Variants in TMEM9B observed in about 807,000 individuals in gnomAD.
TMEM9B encodes transmembrane protein 9B.
Under a neutral mutation model 23.5 loss-of-function variants are expected in TMEM9B, and 8 were observed. The observed-to-expected ratio is 0.34, with a 90% CI of 0.20 to 0.61. The LOEUF (loss-of-function observed/expected upper bound fraction) is 0.61. Ranked by LOEUF, TMEM9B falls within the 20% of genes least tolerant of loss-of-function variation. TMEM9B has a pLI of 0.78. For missense variants in TMEM9B, 197 were observed against 252.3 expected, an observed-to-expected ratio of 0.78 and a Z score of 1.49; for synonymous variants, 106 against 96.3, an observed-to-expected ratio of 1.10 and a Z score of -0.59.
At chr11:8,950,474 A>C (rs1418441824) in intron 4 of TMEM9B, among the ~76,000 whole-genome samples, 1 of 152,192 alleles carries the variant, frequency 6.6e-6, no homozygotes, top group Non-Finnish European at 1.5e-5. Context: ...TCAGTTGCCT[A>C]GTGCTGTTAT....
At chr11:8,958,083 T>C (rs1158519564) in intron 2 of TMEM9B, among the ~76,000 whole-genome samples, 2 of 139,356 alleles carry the variant, frequency 1.4e-5, no homozygotes, top group East Asian at 4.4e-4. Context: ...CGCTTGAACC[T>C]GGGAGGTGGA....
chr11:8,963,798 G>A (rs1440896566), intron 1 of TMEM9B, among the ~76,000 whole-genome samples: 1 of 152,128 alleles, frequency 6.6e-6, no homozygotes, highest in Non-Finnish European at 1.5e-5. Flanking sequence ...TTCTGGCTTG[G>A]GGCATGCGGG....
In TMEM9B at chr11:8,954,086, T is replaced by C. The variant is rs147738982; in HGVS notation, c.307-749A>G. ...TCAGCAATAAAAAGAAACGAAGTACTGATACATGCTACAACTTGCATAAAC... is the reference window on the plus strand; with the variant it reads ...TCAGCAATAAAAAGAAACGAAGTACCGATACATGCTACAACTTGCATAAAC... On this transcript the variant is annotated intron_variant, in intron 3 of 4. Coordinates refer to ENST00000534025, the MANE Select transcript of TMEM9B (RefSeq NM_020644.3). 2.8e-3 allele frequency among the ~76,000 whole-genome samples: 423 copies of C among 152,296 alleles called. 5 individuals are homozygous for C. The highest frequency in any genetic ancestry group is 9.9e-3 in the African/African-American group (413 of 41,528).
At position 8,964,314 on chromosome 11, in the gene TMEM9B, C is replaced by A; in HGVS notation, c.-1G>T. ...GAAGGCCTCCCCACAGGGTCGCCAT[C>A]GCTGGGGGCCCAGCGGTCCCACAGC... On this transcript the variant is annotated 5_prime_UTR_variant, in exon 1 of 5. Coordinates refer to ENST00000534025, the MANE Select transcript of TMEM9B (RefSeq NM_020644.3). 2 of 1,567,604 alleles carry A rather than the reference C, an allele frequency of 1.3e-6. No individual in the cohort carries two copies. Among genetic ancestry groups the A allele is most frequent in the Non-Finnish European group, 1.7e-6 (2 of 1,157,438 alleles).
Position 8,953,717 on chromosome 11 carries a change from T to A in TMEM9B, c.307-380A>T, listed in dbSNP as rs182128203. ...GATTTTTTCTTGTGACCTTAATTCA[T>A]GTACTGAGAAAAAGTACAGTGTGAC... On this transcript the variant is annotated intron_variant, in intron 3 of 4. Coordinates refer to ENST00000534025, the MANE Select transcript of TMEM9B (RefSeq NM_020644.3). Among the ~76,000 whole-genome samples, 29 of 152,324 alleles carry A rather than the reference T, an allele frequency of 1.9e-4. No homozygotes were observed. The East Asian group carries it at 5.6e-3, about 29-fold the overall frequency.
intron 4 of TMEM9B, among the ~76,000 whole-genome samples, chr11:8,949,396 T>C (rs1853835594): frequency 6.6e-6 from 1 of 152,268 alleles, no homozygotes; most frequent in Non-Finnish European, 1.5e-5. Flanking sequence ...TAGTAATTTA[T>C]TGCTTTTGTT....
At chr11:8,964,146 G>C in intron 1 of TMEM9B, 63 bp downstream of exon 1, 3 of 1,510,976 alleles carry the variant, frequency 2.0e-6, no homozygotes, top group Non-Finnish European at 2.7e-6. Flanking sequence ...GGCAGACCCA[G>C]TTTCCGCAAG....
In TMEM9B at chr11:8,960,866, G is replaced by A. The variant is rs1404822550; in HGVS notation, c.197+1226C>T. On this transcript the variant is annotated intron_variant, in intron 2 of 4. Transcript: ENST00000534025. ...CCGGCTAATTTTTTTTGTATTTTTA[G>A]TAGAGACAGGGTTTCACTCTGTTGG... Among the ~76,000 whole-genome samples the A allele has an allele frequency of 2.0e-5, 3 of 151,970 alleles. No individual in the cohort carries two copies. In the East Asian group the frequency reaches 5.8e-4, roughly 30 times the overall value.
Position 8,964,369 on chromosome 11 carries a change from G to GGACTCA in TMEM9B, c.-57_-56insTGAGTC. 1.1e-5 allele frequency: 16 copies of GGACTCA among 1,516,056 alleles called. No individual in the cohort carries two copies. Among genetic ancestry groups the GGACTCA allele is most frequent in the Non-Finnish European group, 1.4e-5 (16 of 1,135,086 alleles). 93.9% of individuals were successfully genotyped at this position (1,516,056 alleles called of 1,614,324 possible). On this transcript the variant is annotated 5_prime_UTR_variant, in exon 1 of 5. Transcript: ENST00000534025. ...AGCCCCCGCGACCGGCTCCCGGCTC[G>GGACTCA]GGCTCAGGCTCAGGCTCAGGCTCAG...
rs1032609403 is a variant in TMEM9B, at chr11:8,962,164, C to T, written c.125G>A (p.Cys42Tyr). ...DAAKNFEDVR[C>Y]KCICPPYKEN... ...TTTATAGGGAGGGCAGATACATTTA[C>T]ATCTGACATCCTCGAAATTCTGTAA... The change falls in exon 2 of 5, where the codon TGT (cysteine) becomes TAT (tyrosine). Residue 42 changes from cysteine (C) to tyrosine (Y), a missense_variant. Cys to Tyr is a radical substitution (Grantham distance 194). Coordinates refer to ENST00000534025, the MANE Select transcript of TMEM9B (RefSeq NM_020644.3). The T allele has an allele frequency of 6.2e-6, 10 of 1,602,784 alleles. No individual in the cohort carries two copies. Among genetic ancestry groups the T allele is most frequent in the Non-Finnish European group, 8.5e-7 (1 of 1,176,234 alleles).
intron 3 of TMEM9B, among the ~76,000 whole-genome samples, chr11:8,955,712 G>A (rs1853962855): frequency 6.6e-6 from 1 of 151,596 alleles, no homozygotes; most frequent in Admixed American, 6.6e-5. Flanking sequence ...TTGCTCACTT[G>A]CCCACTGCTC....
At position 8,956,090 on chromosome 11, in the gene TMEM9B, G is replaced by A. The variant is rs1168798512; in HGVS notation, c.306+100C>T. ...GAACAGGCCCATTATTCCTTTTGGG[G>A]TAGGGGTCCAAATTTTTCTGTCTTG... On this transcript the variant is annotated intron_variant, in intron 3 of 4. Coordinates refer to ENST00000534025, the MANE Select transcript of TMEM9B (RefSeq NM_020644.3). The A allele has an allele frequency of 3.0e-6, 3 of 984,928 alleles. No homozygotes were observed. The East Asian group carries it at 7.8e-5, about 25-fold the overall frequency. 61.0% of individuals were successfully genotyped at this position (984,928 alleles called of 1,614,324 possible).
At chr11:8,964,544 G>T (rs115840568), upstream of TMEM9B, 1,445 of 1,269,014 alleles carry the variant, frequency 1.1e-3, 4 homozygotes, top group African/African-American at 0.011. Flanking sequence ...CAGTCCTGGT[G>T]CCCGCCTTGG....
In TMEM9B at chr11:8,955,150, C is replaced by CAA. The variant is rs10666258; in HGVS notation, c.306+1038_306+1039dup. Among the ~76,000 whole-genome samples, 55 of 128,248 alleles carry CAA rather than the reference C, an allele frequency of 4.3e-4. 2 individuals are homozygous for CAA. Among genetic ancestry groups the CAA allele is most frequent in the East Asian group, 1.6e-3 (7 of 4,374 alleles). The allele number at this position is 128,248 out of a possible 152,430, so 84.1% of individuals were successfully genotyped here. A position where few individuals can be genotyped will look rare whatever the true frequency, so the allele number is the denominator to read the frequency against. On this transcript the variant is annotated intron_variant, in intron 3 of 4. Coordinates refer to ENST00000534025, the MANE Select transcript of TMEM9B (RefSeq NM_020644.3). ...TGGGCAATAGAGCAAGACTCCATCTCAAAAAAAAAAAAAAATTGGAAGAAA... is the reference window on the plus strand; with the variant it reads ...TGGGCAATAGAGCAAGACTCCATCTCAAAAAAAAAAAAAAAAATTGGAAGAAA...
rs1853971488 is a variant in TMEM9B at position 8,956,244 on chromosome 11, T to C, written c.252A>G (p.Ala84=). Residue 84 remains alanine, a synonymous_variant, in exon 3 of 5, where the codon GCA becomes GCG. Coordinates refer to ENST00000534025, the MANE Select transcript of TMEM9B (RefSeq NM_020644.3). ...ATTTGCATTCACAGCGTAGACAGTA[T>C]GCTTCTACATCAGGCCCCCGCACAG... ...PMPVRGPDVE[A]YCLRCECKYE... The C allele has an allele frequency of 6.2e-7, 1 of 1,613,936 alleles. No individual in the cohort carries two copies. The highest frequency in any genetic ancestry group is 1.3e-5 in the African/African-American group (1 of 75,052).
Position 8,947,706 on chromosome 11 carries a change from CA to C in TMEM9B, c.*613del, listed in dbSNP as rs1294720130. The C allele has an allele frequency of 1.3e-5, 2 of 152,574 alleles. No individual in the cohort carries two copies. Among genetic ancestry groups the C allele is most frequent in the Non-Finnish European group, 1.5e-5 (1 of 68,068 alleles). 9.5% of individuals were successfully genotyped at this position (152,574 alleles called of 1,614,324 possible). On this transcript the variant is annotated 3_prime_UTR_variant, in exon 5 of 5. Coordinates refer to ENST00000534025, the MANE Select transcript of TMEM9B (RefSeq NM_020644.3). ...AAATCTGCTTTTTGTGAAAAGCCAC[CA>C]GGCATTTTAGATCCCGTTTACCATG...
chr11:8,961,712 C>T (rs1854086616), intron 2 of TMEM9B, among the ~76,000 whole-genome samples: 1 of 152,218 alleles, frequency 6.6e-6, no homozygotes, highest in South Asian at 2.1e-4. Context: ...TCAAAACCTA[C>T]AAGTTGTAAA....
In TMEM9B at chr11:8,953,855, T is replaced by C. The variant is rs531567762; in HGVS notation, c.307-518A>G. On this transcript the variant is annotated intron_variant, in intron 3 of 4. Coordinates refer to ENST00000534025, the MANE Select transcript of TMEM9B (RefSeq NM_020644.3). ...GGGAATGTAAAGTGGTACAACCACTTTGGGAAACAATCTGGCAGTCTCTTA... is the reference window on the plus strand; with the variant it reads ...GGGAATGTAAAGTGGTACAACCACTCTGGGAAACAATCTGGCAGTCTCTTA... Among the ~76,000 whole-genome samples, 320 of 152,330 alleles carry C rather than the reference T, an allele frequency of 2.1e-3. 2 individuals are homozygous for C. The highest frequency in any genetic ancestry group is 7.5e-3 in the African/African-American group (313 of 41,576).
intron 4 of TMEM9B, 146 bp downstream of exon 4, chr11:8,953,057 A>G (rs1853912472): frequency 1.1e-6 from 1 of 897,404 alleles, no homozygotes; most frequent in South Asian, 1.4e-5. Flanking sequence ...AGAGGTATAT[A>G]CTGAAATCAG....
Sources: gnomAD v4.1 joint callset for allele counts (sites outside exome capture counted in the v4.1 genomes callset) on GRCh38, gnomAD v4.1.1 for gene constraint, MANE v1.5 for transcripts, NCBI Gene and HGNC (gene_info 2026-07-23, HGNC 2026-07-21) for gene names.